Variants in GOLGA8O observed in about 807,000 individuals in gnomAD.
The protein encoded by GOLGA8O is golgin subfamily A member 8O.
GOLGA8O carries 4 observed loss-of-function variants against 29.7 expected under a neutral mutation model. The observed-to-expected ratio is 0.13, with a 90% CI of 0.07 to 0.31. GOLGA8O has a LOEUF of 0.31. GOLGA8O is among the 10% of genes least tolerant of loss of function. The pLI is 1.00. For missense variants in GOLGA8O, 32 were observed against 216.5 expected, an observed-to-expected ratio of 0.15 and a Z score of 5.35; for synonymous variants, 6 against 78.0, an observed-to-expected ratio of 0.08 and a Z score of 4.87.
chr15:32,451,712 GCAGGGGC>G, intron 4 of GOLGA8O, 73 bp from the exon 5 acceptor site: 5 of 1,202,510 alleles, frequency 4.2e-6, no homozygotes, highest in Non-Finnish European at 5.7e-6. Context: ...GAAGCGGTAG[GCAGGGGC>G]CAGGAATGGA....
At chr15:32,460,750 C>T in the GOLGA8O span, among the ~76,000 whole-genome samples, 17 of 96,508 alleles carry the variant, frequency 1.8e-4, 3 homozygotes, top group South Asian at 5.1e-3. Context: ...AATCATTTTA[C>T]GATGAAACAG....
At chr15:32,450,351 A>T (rs2055103256) in intron 8 of GOLGA8O, among the ~76,000 whole-genome samples, 1 of 119,244 alleles carries the variant, frequency 8.4e-6, no homozygotes, top group Non-Finnish European at 1.8e-5. Context: ...GGGCACAGAT[A>T]GGAAGGGGAA....
chr15:32,458,853 C>T (rs1297189055), upstream of GOLGA8O, among the ~76,000 whole-genome samples: 1 of 93,742 alleles, frequency 1.1e-5, no homozygotes, highest in African/African-American at 5.1e-5. Flanking sequence ...CACTATGTTG[C>T]CCAAACTAGT....
chr15:32,451,452 G>T lies in GOLGA8O; in HGVS notation c.349-114C>A, dbSNP rs2055130698. ...AGGACAGGCCCACCCATGGGACCAGGTTATCAGGGGCCCTGTGGGGATGGG... is the reference window on the plus strand; with the variant it reads ...AGGACAGGCCCACCCATGGGACCAGTTTATCAGGGGCCCTGTGGGGATGGG... On this transcript the variant is annotated intron_variant, in intron 5 of 18. Coordinates refer to ENST00000509311, the MANE Select transcript of GOLGA8O (RefSeq NM_001277308.1). 4.7e-6 allele frequency: 5 copies of T among 1,065,948 alleles called. 1 individual carries two copies. Among genetic ancestry groups the T allele is most frequent in the Admixed American group, 2.0e-5 (1 of 49,080 alleles). 66.0% of individuals were successfully genotyped at this position (1,065,948 alleles called of 1,614,324 possible).
At chr15:32,459,694 CT>C (rs1247912170), upstream of GOLGA8O, among the ~76,000 whole-genome samples, 2 of 86,406 alleles carry the variant, frequency 2.3e-5, 1 homozygote, top group East Asian at 6.3e-4. Context: ...AGGTCTAAGC[CT>C]TAAGAACTCC....
At position 32,455,353 on chromosome 15, in the gene GOLGA8O, TG is replaced by T. The variant is rs1442143497; in HGVS notation, c.48+135del. 2.8e-5 allele frequency: 14 copies of T among 508,040 alleles called. 3 individuals carry two copies. In the East Asian group the frequency reaches 4.3e-4, roughly 16 times the overall value. 31.5% of individuals were successfully genotyped at this position (508,040 alleles called of 1,614,324 possible). On this transcript the variant is annotated intron_variant, in intron 1 of 18. Coordinates refer to ENST00000509311, the MANE Select transcript of GOLGA8O (RefSeq NM_001277308.1). ...GTGGGGCTGACTGACAAAACTTTGG[TG>T]GGGGTAGCCCAAGGCACCGGGGTTG...
intron 8 of GOLGA8O, among the ~76,000 whole-genome samples, 188 bp downstream of exon 8, chr15:32,450,725 A>G (rs1361269621): frequency 3.6e-4 from 54 of 151,682 alleles, no homozygotes; most frequent in South Asian, 3.2e-3. Context: ...TCCCCACAGT[A>G]CCCCCCAACT....
chr15:32,446,245 A>G (rs1322718545), intron 15 of GOLGA8O: 2 of 105,974 alleles, frequency 1.9e-5, no homozygotes, highest in Non-Finnish European at 4.1e-5. Context: ...GCATTCTTCT[A>G]GGGGCATACA....
At position 32,445,731 on chromosome 15, in the gene GOLGA8O, G is replaced by A; in HGVS notation, c.1470-16C>T. The A allele has an allele frequency of 2.4e-6, 2 of 842,758 alleles. No individual in the cohort carries two copies. Among genetic ancestry groups the A allele is most frequent in the East Asian group, 6.8e-5 (2 of 29,476 alleles). The allele number at this position is 842,758 out of a possible 1,614,324, so 52.2% of individuals were successfully genotyped here. ...ATGGATTTTCCTGCGGGAGGACAGG[G>A]CTCAGATTCTGGGGCCCCTCTGATG... On this transcript the variant is annotated splice_polypyrimidine_tract_variant and intron_variant, in intron 16 of 18. Coordinates refer to ENST00000509311, the MANE Select transcript of GOLGA8O (RefSeq NM_001277308.1).
At chr15:32,450,518 T>C (rs867581353) in intron 8 of GOLGA8O, among the ~76,000 whole-genome samples, 50 of 131,994 alleles carry the variant, frequency 3.8e-4, no homozygotes, top group Admixed American at 3.8e-4. Context: ...TCACAGTATG[T>C]ACACACACAC....
At chr15:32,451,500 T>G in intron 5 of GOLGA8O, 101 bp downstream of exon 5, 1 of 1,591,756 alleles carries the variant, frequency 6.3e-7, no homozygotes, top group Admixed American at 1.7e-5. Context: ...GGGTGAGCCT[T>G]CTTCCCCAAG....
At chr15:32,450,658 C>T (rs1308595504) in intron 8 of GOLGA8O, among the ~76,000 whole-genome samples, 3 of 152,090 alleles carry the variant, frequency 2.0e-5, no homozygotes, top group African/African-American at 7.2e-5. Flanking sequence ...CCCAAGACCA[C>T]AGCCAGGTAA....
At chr15:32,458,901 T>C (rs940685208), upstream of GOLGA8O, among the ~76,000 whole-genome samples, 5 of 91,294 alleles carry the variant, frequency 5.5e-5, no homozygotes, top group East Asian at 7.5e-4. Context: ...CCCACTTCGG[T>C]CTCCCAAAGC....
Position 32,453,718 on chromosome 15 carries a change from GCAACCACC to G in GOLGA8O, c.145_152del (p.Gly49ProfsTer109). On this transcript the variant is annotated frameshift_variant, in exon 2 of 19. Transcript: ENST00000509311. LOFTEE classifies it high-confidence loss of function. Reference sequence around the variant, plus strand: ...CAAGACTCACATCCCCAGGTGGCTGGCAACCACCGGAAGTGGCTGTCTCAGGGATACTG... The same window carrying G: ...CAAGACTCACATCCCCAGGTGGCTGGGGAAGTGGCTGTCTCAGGGATACTG... 1.3e-6 allele frequency: 1 copy of G among 743,380 alleles called. No homozygotes were observed. Among genetic ancestry groups the G allele is most frequent in the Non-Finnish European group, 1.9e-6 (1 of 539,256 alleles). 46.0% of individuals were successfully genotyped at this position (743,380 alleles called of 1,614,324 possible). A position where few individuals can be genotyped will look rare whatever the true frequency, so the allele number is the denominator to read the frequency against.
At position 32,445,831 on chromosome 15, in the gene GOLGA8O, C is replaced by T. The variant is rs2055069922; in HGVS notation, c.1436G>A (p.Arg479His). The T allele has an allele frequency of 8.0e-6, 6 of 749,972 alleles. 2 individuals carry two copies. The highest frequency in any genetic ancestry group is 3.5e-5 in the East Asian group (1 of 28,776). 46.5% of individuals were successfully genotyped at this position (749,972 alleles called of 1,614,324 possible). The change falls in exon 16 of 19, where the codon CGC becomes CAC. Residue 479 changes from arginine to histidine, a missense_variant. Arg to His is a conservative substitution (Grantham distance 29). Coordinates refer to ENST00000509311, the MANE Select transcript of GOLGA8O (RefSeq NM_001277308.1). ...TCTCTCTTGCCAGTATTGAATGAAG[C>T]GAAGTTCTTGTTTTTTCACCAGCTC... is the stretch of plus-strand genomic sequence containing the variant. The part of the protein sequence containing the change: ...LSELVKKQEL[R>H]FIQYWQERCH...
At chr15:32,451,573 A>T in intron 5 of GOLGA8O, 28 bp downstream of exon 5, 1 of 1,589,972 alleles carries the variant, frequency 6.3e-7, no homozygotes, top group Non-Finnish European at 8.5e-7. Context: ...CCCAGCAGTC[A>T]TGTCGCGAGG....
Position 32,450,556 on chromosome 15 carries a change from C to T in GOLGA8O, c.591+357G>A, listed in dbSNP as rs1427427662. 1.6e-4 allele frequency among the ~76,000 whole-genome samples: 24 copies of T among 145,692 alleles called. No individual in the cohort carries two copies. The East Asian group carries it at 4.4e-3, about 27-fold the overall frequency. Reference sequence around the variant, plus strand: ...ACACACACACACACACACACATGCACGCGTTTCCTCTTTCTACAGAAATGG... The same window carrying T: ...ACACACACACACACACACACATGCATGCGTTTCCTCTTTCTACAGAAATGG... On this transcript the variant is annotated intron_variant, in intron 8 of 18. Transcript: ENST00000509311.
chr15:32,459,281 G>A (rs1284396132), upstream of GOLGA8O, among the ~76,000 whole-genome samples: 3 of 69,028 alleles, frequency 4.3e-5, no homozygotes, highest in Admixed American at 2.9e-4. Context: ...CAACAAGAGC[G>A]AAACTGGGTC....
rs1426452724 is a variant in GOLGA8O, at chr15:32,444,477, AT to A, written c.*628del. Among the ~76,000 whole-genome samples the A allele has an allele frequency of 8.4e-6, 1 of 118,456 alleles. No individual in the cohort carries two copies. Among genetic ancestry groups the A allele is most frequent in the Non-Finnish European group, 1.9e-5 (1 of 51,932 alleles). 77.7% of individuals were successfully genotyped at this position (118,456 alleles called of 152,430 possible). A position where few individuals can be genotyped will look rare whatever the true frequency, so the allele number is the denominator to read the frequency against. On this transcript the variant is annotated 3_prime_UTR_variant, in exon 19 of 19. Transcript: ENST00000509311. ...GGAGGCCACTTTCCTCTTCTGTGAG[AT>A]TTAAAAAGCTCCCCCAAAAGGTTAT...
Sources: allele counts gnomAD v4.1 joint callset (sites outside exome capture counted in the v4.1 genomes callset), GRCh38; gene constraint gnomAD v4.1.1; transcripts MANE v1.5; gene names NCBI Gene and HGNC (gene_info 2026-07-23, HGNC 2026-07-21).